The following ATG7 variants were observed in gnomAD, a reference collection of about 807,000 sequenced individuals.
ATG7 encodes ubiquitin-like modifier-activating enzyme ATG7.
Under a neutral mutation model 82.4 loss-of-function variants are expected in ATG7, and 70 were observed. The observed-to-expected ratio is 0.85, with a 90% CI of 0.70 to 1.04. The LOEUF (loss-of-function observed/expected upper bound fraction) is 1.04. Among genes scored for constraint, ATG7 ranks in the 50% least tolerant of loss-of-function variants. The pLI, the probability that ATG7 is intolerant of heterozygous loss-of-function variation, is 0.00. For missense variants in ATG7, 792 were observed against 864.3 expected (o/e 0.92, Z 1.05); for synonymous variants, 287 against 313.0 (o/e 0.92, Z 0.88).
chr3:11,516,242 CTAGT>C (rs574569364), intron 20 of ATG7, among the ~76,000 whole-genome samples: 39 of 151,940 alleles, frequency 2.6e-4, no homozygotes, highest in African/African-American at 8.9e-4. Flanking sequence ...TGCTAAATGA[CTAGT>C]TAATGGGTGC....
rs554533835 is a variant in ATG7 at position 11,363,120 on chromosome 3, A to G, written c.1799+192A>G. The G allele has an allele frequency of 3.9e-5, 22 of 558,166 alleles. No individual in the cohort carries two copies. The South Asian group carries it at 4.1e-4, about 10-fold the overall frequency. The allele number at this position is 558,166 out of a possible 1,614,324, so 34.6% of individuals were successfully genotyped here. A position where few individuals can be genotyped will look rare whatever the true frequency, so the allele number is the denominator to read the frequency against. On this transcript the variant is annotated intron_variant, in intron 17 of 20. Transcript: ENST00000693202. Reference sequence around the variant, plus strand: ...AACTTGGCATGTTTCCTTTGTGGCCACATTTCTGCATCTTTCCGGACAAAG... The same window carrying G: ...AACTTGGCATGTTTCCTTTGTGGCCGCATTTCTGCATCTTTCCGGACAAAG...
chr3:11,528,422 T>G (rs1485956343), intron 20 of ATG7, among the ~76,000 whole-genome samples: 1 of 152,144 alleles, frequency 6.6e-6, no homozygotes, highest in Non-Finnish European at 1.5e-5. Context: ...GTACCTCCTA[T>G]GTGTCAGCCA....
chr3:11,376,964 C>T (rs1350059282), intron 18 of ATG7, among the ~76,000 whole-genome samples: 1 of 152,196 alleles, frequency 6.6e-6, no homozygotes, highest in African/African-American at 2.4e-5. Context: ...TGGTCTTGAT[C>T]TCCTGACCTC....
chr3:11,558,537 G>T (rs1432199806), downstream of ATG7: 3 of 1,452,380 alleles, frequency 2.1e-6, no homozygotes, highest in Non-Finnish European at 2.8e-6. Context: ...TCCACGTGTT[G>T]TTGGAGGAGG....
intron 20 of ATG7, among the ~76,000 whole-genome samples, chr3:11,442,747 A>AG (rs1211807152): frequency 7.3e-6 from 1 of 136,686 alleles, no homozygotes; most frequent in Non-Finnish European, 1.5e-5. Flanking sequence ...TACAAAAAAA[A>AG]AAAAAAAAAA....
At chr3:11,548,704 C>G (rs1331699829) in intron 20 of ATG7, among the ~76,000 whole-genome samples, 1 of 152,238 alleles carries the variant, frequency 6.6e-6, no homozygotes, top group Non-Finnish European at 1.5e-5. Context: ...GCCGATTGAA[C>G]TCACTGTGTT....
intron 20 of ATG7, among the ~76,000 whole-genome samples, chr3:11,454,874 A>G (rs2085546531): frequency 6.6e-6 from 1 of 152,212 alleles, no homozygotes; most frequent in Non-Finnish European, 1.5e-5. Context: ...CCATCATTAC[A>G]GAAAGGTCTA....
At chr3:11,449,395 T>C (rs556197607) in intron 20 of ATG7, among the ~76,000 whole-genome samples, 1 of 152,078 alleles carries the variant, frequency 6.6e-6, no homozygotes, top group Non-Finnish European at 1.5e-5. Flanking sequence ...CAAAAAACCC[T>C]GAGATTTGGG....
intron 19 of ATG7, among the ~76,000 whole-genome samples, chr3:11,418,135 C>A (rs1376051148): frequency 6.6e-6 from 1 of 150,676 alleles, no homozygotes; most frequent in Non-Finnish European, 1.5e-5. Flanking sequence ...GGTAGGGTCT[C>A]ACTCTGTTGT....
intron 20 of ATG7, among the ~76,000 whole-genome samples, chr3:11,495,159 A>T (rs923457303): frequency 7.2e-5 from 11 of 152,242 alleles, no homozygotes; most frequent in African/African-American, 2.6e-4. Context: ...TGCTCATGTA[A>T]TCAAAGCAGA....
At chr3:11,484,160 G>A (rs771026734) in intron 20 of ATG7, among the ~76,000 whole-genome samples, 5 of 152,148 alleles carry the variant, frequency 3.3e-5, no homozygotes, top group Non-Finnish European at 4.4e-5. Context: ...TTGGGAGGCC[G>A]AGGCAGGTGA....
downstream of ATG7, chr3:11,559,429 G>A: frequency 1.9e-6 from 3 of 1,567,372 alleles, no homozygotes; most frequent in Non-Finnish European, 2.6e-6. Context: ...CGCCAGCCGA[G>A]GCACAGGTGA....
chr3:11,287,409 CAG>C (rs1349682437), intron 3 of ATG7, among the ~76,000 whole-genome samples: 1 of 152,132 alleles, frequency 6.6e-6, no homozygotes, highest in East Asian at 1.9e-4. Flanking sequence ...ACTTTTCAGA[CAG>C]AGGGGCTGTG....
Position 11,440,218 on chromosome 3 carries a change from C to T in ATG7, c.2079+13292C>T, listed in dbSNP as rs549690499. 3.3e-5 allele frequency among the ~76,000 whole-genome samples: 5 copies of T among 152,150 alleles called. No homozygotes were observed. The East Asian group carries it at 7.7e-4, about 24-fold the overall frequency. Reference sequence around the variant, plus strand: ...TCTTAAACTGGCTTCTAATAAAATCCGTGGGAATGAGATTTTACTTGTAGA... The same window carrying T: ...TCTTAAACTGGCTTCTAATAAAATCTGTGGGAATGAGATTTTACTTGTAGA... On this transcript the variant is annotated intron_variant, in intron 20 of 20. Coordinates refer to ENST00000693202, the MANE Select transcript of ATG7 (RefSeq NM_001349232.2).
In ATG7 at chr3:11,315,542, C is replaced by G. The variant is rs764696500; in HGVS notation, c.678+49C>G. 6.2e-6 allele frequency: 9 copies of G among 1,453,482 alleles called. No homozygotes were observed. In the East Asian group the frequency reaches 2.2e-4, roughly 36 times the overall value. The allele number at this position is 1,453,482 out of a possible 1,614,324, so 90.0% of individuals were successfully genotyped here. A position where few individuals can be genotyped will look rare whatever the true frequency, so the allele number is the denominator to read the frequency against. On this transcript the variant is annotated intron_variant, in intron 9 of 20. Transcript: ENST00000693202. ...TTTATTATATAGTTTTTTAAAAAATCTGAAGTTCATGTTACAAGAGACCAC... is the reference window on the plus strand; with the variant it reads ...TTTATTATATAGTTTTTTAAAAAATGTGAAGTTCATGTTACAAGAGACCAC...
At chr3:11,486,216 A>C (rs1278865926) in intron 20 of ATG7, among the ~76,000 whole-genome samples, 1 of 152,040 alleles carries the variant, frequency 6.6e-6, no homozygotes, top group Non-Finnish European at 1.5e-5. Flanking sequence ...CTTTTATTTC[A>C]TGAGCAGTGG....
intron 11 of ATG7, among the ~76,000 whole-genome samples, 155 bp from the exon 12 acceptor site, chr3:11,340,490 A>G (rs866910317): frequency 6.6e-6 from 1 of 152,118 alleles, no homozygotes. Context: ...GTGGAAATTC[A>G]GGCCCTCAAG....
At chr3:11,504,778 C>G (rs1198001169) in intron 20 of ATG7, among the ~76,000 whole-genome samples, 2 of 151,936 alleles carry the variant, frequency 1.3e-5, no homozygotes, top group Non-Finnish European at 2.9e-5. Context: ...ATAAGTAATC[C>G]TAGTATATTA....
At chr3:11,411,895 A>G (rs765611347) in intron 19 of ATG7, among the ~76,000 whole-genome samples, 4 of 151,836 alleles carry the variant, frequency 2.6e-5, no homozygotes, top group Non-Finnish European at 4.4e-5. Context: ...ATTTTTTAAT[A>G]TGGTGTTAGG....
Sources: gnomAD v4.1 joint callset for allele counts (sites outside exome capture counted in the v4.1 genomes callset) on GRCh38, gnomAD v4.1.1 for gene constraint, MANE v1.5 for transcripts, NCBI Gene and HGNC (gene_info 2026-07-23, HGNC 2026-07-21) for gene names.